The following CNMD variants were observed in gnomAD, a reference collection of about 807,000 sequenced individuals.
CNMD encodes leukocyte cell-derived chemotaxin 1.
Under a neutral mutation model 37.5 loss-of-function variants are expected in CNMD, and 30 were observed. That is an observed-to-expected ratio of 0.80 (90% CI 0.60 to 1.09). The LOEUF is 1.09. Among genes scored for constraint, CNMD ranks in the 50% least tolerant of loss-of-function variants. The probability of loss-of-function intolerance (pLI) is 0.00; values close to 1 mark genes in which losing one functional copy is unlikely to be tolerated. For synonymous variants in CNMD, 167 were observed against 148.2 expected, an observed-to-expected ratio of 1.13 and a Z score of -0.92; for missense variants, 398 against 423.9, an observed-to-expected ratio of 0.94 and a Z score of 0.54.
intron 4 of CNMD, among the ~76,000 whole-genome samples, chr13:52,718,405 C>T (rs1191839556): frequency 6.6e-6 from 1 of 151,992 alleles, no homozygotes; most frequent in Non-Finnish European, 1.5e-5. Flanking sequence ...TTTGCTCTTG[C>T]TTCTCTAGTT....
At chr13:52,724,184 C>G in intron 3 of CNMD, 74 bp from the exon 4 acceptor site, 1 of 1,125,202 alleles carries the variant, frequency 8.9e-7, no homozygotes, top group Non-Finnish European at 1.3e-6. Flanking sequence ...CTACTGTGTT[C>G]CAGATGCTGT....
chr13:52,709,612 G>T (rs557843834), intron 5 of CNMD, among the ~76,000 whole-genome samples: 2 of 152,170 alleles, frequency 1.3e-5, no homozygotes, highest in Non-Finnish European at 2.9e-5. Context: ...TGCCCAGTGC[G>T]AACTCCCTGG....
chr13:52,723,980 G>C lies in CNMD; in HGVS notation c.468+17C>G. 6.7e-7 allele frequency: 1 copy of C among 1,492,712 alleles called. No homozygotes were observed. Among genetic ancestry groups the C allele is most frequent in the Non-Finnish European group, 9.4e-7 (1 of 1,069,194 alleles). 92.5% of individuals were successfully genotyped at this position (1,492,712 alleles called of 1,614,324 possible). A position where few individuals can be genotyped will look rare whatever the true frequency, so the allele number is the denominator to read the frequency against. Reference sequence around the variant, plus strand: ...TTTGCCAAGCAGTCTCACTGTCTCAGGCATGTTGGTACCCACCAGTTTGGA... The same window carrying C: ...TTTGCCAAGCAGTCTCACTGTCTCACGCATGTTGGTACCCACCAGTTTGGA... On this transcript the variant is annotated intron_variant, in intron 4 of 6. Coordinates refer to ENST00000377962, the MANE Select transcript of CNMD (RefSeq NM_007015.3).
Position 52,703,366 on chromosome 13 carries a change from TAATA to T in CNMD, c.*225_*228del. The T allele has an allele frequency of 7.2e-6, 3 of 418,384 alleles. No individual in the cohort carries two copies. Among genetic ancestry groups the T allele is most frequent in the Non-Finnish European group, 1.3e-5 (3 of 234,552 alleles). 25.9% of individuals were successfully genotyped at this position (418,384 alleles called of 1,614,324 possible). A position where few individuals can be genotyped will look rare whatever the true frequency, so the allele number is the denominator to read the frequency against. The stretch of plus-strand genomic sequence containing the variant: ...AGCAATGCAAATAAAAAATAACAAA[TAATA>T]AAGGGGTTATGGCATTTTAGACTTG... On this transcript the variant is annotated 3_prime_UTR_variant, in exon 7 of 7. Coordinates refer to ENST00000377962, the MANE Select transcript of CNMD (RefSeq NM_007015.3).
intron 3 of CNMD, among the ~76,000 whole-genome samples, chr13:52,729,748 T>G (rs1964631657): frequency 6.6e-6 from 1 of 152,198 alleles, no homozygotes; most frequent in Non-Finnish European, 1.5e-5. Flanking sequence ...AATAAAAATT[T>G]CAAATATTCA....
chr13:52,721,726 T>C (rs1176645903), intron 4 of CNMD, among the ~76,000 whole-genome samples: 2 of 151,340 alleles, frequency 1.3e-5, no homozygotes, highest in African/African-American at 4.9e-5. Context: ...AAACTGGAGC[T>C]GTTCCTATTC....
At position 52,739,319 on chromosome 13, in the gene CNMD, G is replaced by A. The variant is rs931100267; in HGVS notation, c.73-148C>T. 1 of 954,912 alleles carries A rather than the reference G, an allele frequency of 1.0e-6. No homozygotes were observed. Among genetic ancestry groups the A allele is most frequent in the Admixed American group, 3.5e-5 (1 of 28,580 alleles). 59.2% of individuals were successfully genotyped at this position (954,912 alleles called of 1,614,324 possible). Reference sequence around the variant, plus strand: ...CCGGGCTCCTACGGGTGCCCCTTTCGCCGCGCTCCCTCCCGAGGGTCCTTT... The same window carrying A: ...CCGGGCTCCTACGGGTGCCCCTTTCACCGCGCTCCCTCCCGAGGGTCCTTT... On this transcript the variant is annotated intron_variant, in intron 1 of 6. Transcript: ENST00000377962. The surrounding 1 kb of genome is among the most constrained non-coding windows in gnomAD (Gnocchi z 5.4).
intron 4 of CNMD, among the ~76,000 whole-genome samples, chr13:52,719,661 T>C (rs1225239830): frequency 6.6e-6 from 1 of 152,232 alleles, no homozygotes; most frequent in Non-Finnish European, 1.5e-5. Context: ...GCCCCCACTC[T>C]CTTTTGGCTT....
At chr13:52,729,966 C>CATTAGG (rs1964636705) in intron 3 of CNMD, among the ~76,000 whole-genome samples, 1 of 150,864 alleles carries the variant, frequency 6.6e-6, no homozygotes, top group Admixed American at 6.6e-5. Context: ...TCTCCTCATG[C>CATTAGG]TATCCCTCCC....
chr13:52,731,317 G>A (rs1047357033), intron 3 of CNMD, among the ~76,000 whole-genome samples: 6 of 152,110 alleles, frequency 3.9e-5, no homozygotes, highest in African/African-American at 7.2e-5. Context: ...TTCGCATTCC[G>A]CCTGCTTAGC....
At chr13:52,722,453 A>G (rs1469385410) in intron 4 of CNMD, among the ~76,000 whole-genome samples, 1 of 152,162 alleles carries the variant, frequency 6.6e-6, no homozygotes, top group Non-Finnish European at 1.5e-5. Context: ...ATCATAATAA[A>G]ATTAACAACA....
intron 4 of CNMD, among the ~76,000 whole-genome samples, chr13:52,713,350 C>T (rs1437679294): frequency 1.3e-5 from 2 of 152,162 alleles, no homozygotes; most frequent in Non-Finnish European, 2.9e-5. Context: ...TATTATTTAA[C>T]ATAAACCATT....
intron 2 of CNMD, among the ~76,000 whole-genome samples, chr13:52,734,678 T>C (rs572941723): frequency 6.6e-6 from 1 of 152,014 alleles, no homozygotes; most frequent in African/African-American, 2.4e-5. Flanking sequence ...ATATAAATCT[T>C]TAAAGTGGAG....
At chr13:52,725,279 C>T (rs749159022) in intron 3 of CNMD, among the ~76,000 whole-genome samples, 2 of 152,104 alleles carry the variant, frequency 1.3e-5, no homozygotes, top group African/African-American at 2.4e-5. Flanking sequence ...TTTTTGGTGA[C>T]CCCACAAAGC....
chr13:52,728,129 T>C (rs566647245), intron 3 of CNMD, among the ~76,000 whole-genome samples: 1 of 152,360 alleles, frequency 6.6e-6, no homozygotes, highest in Admixed American at 6.5e-5. Flanking sequence ...GGCTCACGCC[T>C]GTAATCCCAG....
intron 3 of CNMD, among the ~76,000 whole-genome samples, chr13:52,724,766 G>A (rs1964545285): frequency 6.6e-6 from 1 of 151,926 alleles, no homozygotes. Flanking sequence ...GTGTGGTAGC[G>A]GGCTCCTGTA....
chr13:52,708,183 C>T (rs1033378332), intron 6 of CNMD, among the ~76,000 whole-genome samples: 1 of 36,476 alleles, frequency 2.7e-5, no homozygotes, highest in African/African-American at 1.1e-4. Flanking sequence ...ACCATTTCAA[C>T]ACTATTTTTT....
At chr13:52,721,155 A>T (rs1459465084) in intron 4 of CNMD, among the ~76,000 whole-genome samples, 2 of 152,046 alleles carry the variant, frequency 1.3e-5, no homozygotes, top group Non-Finnish European at 2.9e-5. Flanking sequence ...TCCCCCCACC[A>T]AGCTCAAGTG....
intron 3 of CNMD, among the ~76,000 whole-genome samples, chr13:52,724,552 C>T (rs1308271619): frequency 1.1e-4 from 16 of 150,940 alleles, no homozygotes. Flanking sequence ...GATTGCGCCA[C>T]TGCACTCCAC....
Sources: allele counts gnomAD v4.1 joint callset (sites outside exome capture counted in the v4.1 genomes callset), GRCh38; gene constraint gnomAD v4.1.1; non-coding constraint Gnocchi (gnomAD v3.1); transcripts MANE v1.5; gene names NCBI Gene and HGNC (gene_info 2026-07-23, HGNC 2026-07-21).